Variants in SLC22A23 observed in about 807,000 individuals in gnomAD.
SLC22A23 encodes solute carrier family 22 member 23, also known as ion transporter protein.
SLC22A23 carries 26 observed loss-of-function variants against 61.0 expected under a neutral mutation model. The ratio of observed to expected loss-of-function variants is 0.43; its 90% CI spans 0.31 to 0.59. The LOEUF is 0.59. SLC22A23 is among the 20% of genes least tolerant of loss of function. The probability of loss-of-function intolerance (pLI) is 0.11; values close to 1 mark genes in which losing one functional copy is unlikely to be tolerated. For missense variants in SLC22A23, 796 were observed against 934.7 expected, an observed-to-expected ratio of 0.85 and a Z score of 1.94; for synonymous variants, 430 against 413.9, an observed-to-expected ratio of 1.04 and a Z score of -0.47.
Position 3,322,324 on chromosome 6 carries a change from G to C in SLC22A23, c.1082+1510C>G, listed in dbSNP as rs1763003741. ...GAACTCCGAAACAGCTAAGCCCAGC[G>C]AAGGCTGCCACAAGGGAGGGGGCAG... On this transcript the variant is annotated intron_variant, in intron 4 of 9. Transcript: ENST00000406686. The surrounding 1 kb of genome is among the most constrained non-coding windows in gnomAD (Gnocchi z 4.1). Among the ~76,000 whole-genome samples, 1 of 152,216 alleles carries C rather than the reference G, an allele frequency of 6.6e-6. No individual in the cohort carries two copies. The highest frequency in any genetic ancestry group is 1.5e-5 in the Non-Finnish European group (1 of 68,036).
At chr6:3,452,599 TAAAAAAAAAAAAAAAAAAAAA>T (rs570923626) in intron 1 of SLC22A23, among the ~76,000 whole-genome samples, 20 of 40,536 alleles carry the variant, frequency 4.9e-4, no homozygotes, top group Admixed American at 1.7e-3. Context: ...AGACGCTGTC[TAAAAAAAAAAAAAAAAAAAAA>T]AAAAAAAAAA....
In SLC22A23 at chr6:3,415,846, C is replaced by G. The variant is rs756211072; in HGVS notation, c.664G>C (p.Val222Leu). The G allele has an allele frequency of 1.9e-6, 3 of 1,550,846 alleles. No individual in the cohort carries two copies. The highest frequency in any genetic ancestry group is 2.6e-6 in the Non-Finnish European group (3 of 1,145,796). Residue 222 changes from valine (V) to leucine (L), a missense_variant, in exon 2 of 10, where the codon GTG becomes CTG. Val to Leu is a conservative substitution (Grantham distance 32). Transcript: ENST00000406686. ...TGGACCTTCCAGGCATTATCACACA[C>G]AAGATCCCACTAGAGAGGGGCAAAT... ...VQNVVSKWDLVCDNAWKVHIA... is the reference protein window; with the variant it reads ...VQNVVSKWDLLCDNAWKVHIA...
At position 3,390,867 on chromosome 6, in the gene SLC22A23, C is replaced by T. The variant is rs962695532; in HGVS notation, c.913+19321G>A. ...TCCAATGCGGAAGCTGGAGTTCTGC[C>T]CAGAAGCCGCACCCAGAGATCTGAG... On this transcript the variant is annotated intron_variant, in intron 3 of 9. Coordinates refer to ENST00000406686, the MANE Select transcript of SLC22A23 (RefSeq NM_015482.2). The surrounding 1 kb of genome is among the most constrained non-coding windows in gnomAD (Gnocchi z 4.0). Among the ~76,000 whole-genome samples the T allele has an allele frequency of 6.6e-6, 1 of 152,180 alleles. No homozygotes were observed. The highest frequency in any genetic ancestry group is 1.5e-5 in the Non-Finnish European group (1 of 68,044).
At chr6:3,295,336 C>T (rs189010113) in intron 5 of SLC22A23, among the ~76,000 whole-genome samples, 24 of 152,190 alleles carry the variant, frequency 1.6e-4, no homozygotes, top group African/African-American at 4.3e-4. Flanking sequence ...GAGTGTGCAC[C>T]GGGAGGGACC....
At chr6:3,319,707 C>T (rs571772498) in intron 4 of SLC22A23, among the ~76,000 whole-genome samples, 7 of 152,136 alleles carry the variant, frequency 4.6e-5, no homozygotes, top group African/African-American at 7.2e-5. Context: ...GTGGATTCCC[C>T]GTGGATCTGT....
rs1758449110 is a variant in SLC22A23 at position 3,271,170 on chromosome 6, C to G, written c.*1885G>C. 6.6e-6 allele frequency: 1 copy of G among 152,350 alleles called. No homozygotes were observed. The highest frequency in any genetic ancestry group is 1.5e-5 in the Non-Finnish European group (1 of 68,058). The allele number at this position is 152,350 out of a possible 1,614,324, so 9.4% of individuals were successfully genotyped here. ...AGGCTGCACAGATCTAAAGAAAGGCCTTTGTAAAGGTGAATGCAAACTAAT... is the reference window on the plus strand; with the variant it reads ...AGGCTGCACAGATCTAAAGAAAGGCGTTTGTAAAGGTGAATGCAAACTAAT... On this transcript the variant is annotated 3_prime_UTR_variant, in exon 10 of 10. Coordinates refer to ENST00000406686, the MANE Select transcript of SLC22A23 (RefSeq NM_015482.2).
chr6:3,409,564 C>T (rs1347150767), intron 3 of SLC22A23, among the ~76,000 whole-genome samples: 1 of 152,258 alleles, frequency 6.6e-6, no homozygotes, highest in East Asian at 1.9e-4. Flanking sequence ...AATAACCACG[C>T]CTAAAACTCT....
intron 9 of SLC22A23, among the ~76,000 whole-genome samples, chr6:3,277,204 C>T (rs899032589): frequency 6.6e-6 from 1 of 152,040 alleles, no homozygotes; most frequent in Non-Finnish European, 1.5e-5. Context: ...CAGGATGAGC[C>T]TCTCCCATGG....
intron 4 of SLC22A23, among the ~76,000 whole-genome samples, chr6:3,321,374 GTGCACACACA>G (rs979634357): frequency 6.6e-6 from 1 of 151,266 alleles, no homozygotes; most frequent in African/African-American, 2.4e-5. Flanking sequence ...ATGCACACAC[GTGCACACACA>G]TGCACACACG....
rs1772385145 is a variant in SLC22A23 at position 3,456,005 on chromosome 6, C to G, written c.555G>C (p.Leu185=). ...TGTCCCCCTTGTCCGGAGGGGATGG[C>G]AGGGGTGGTGTGTCGCCTCCGTCCG... The part of the protein sequence containing the change: ...SGADGGDTPP[L]PSPPDKGDNA... The change falls in exon 1 of 10, where the codon CTG becomes CTC. Residue 185 remains leucine, a synonymous_variant. Transcript: ENST00000406686. This position sits in a 1 kb window ranked among gnomAD's most constrained non-coding sequence, Gnocchi z 7.1. 1 of 1,547,132 alleles carries G rather than the reference C, an allele frequency of 6.5e-7. No homozygotes were observed. Among genetic ancestry groups the G allele is most frequent in the Non-Finnish European group, 8.7e-7 (1 of 1,146,790 alleles).
At chr6:3,307,911 G>A (rs895333113) in intron 4 of SLC22A23, among the ~76,000 whole-genome samples, 2 of 152,208 alleles carry the variant, frequency 1.3e-5, no homozygotes, top group African/African-American at 4.8e-5. Flanking sequence ...CAACAGAAGG[G>A]ATCTGACACC....
At chr6:3,438,629 C>T (rs1771382322) in intron 1 of SLC22A23, 1 of 419,340 alleles carries the variant, frequency 2.4e-6, no homozygotes, top group Non-Finnish European at 4.7e-6. Flanking sequence ...AAAATAAGTA[C>T]CTTTTACTTC....
At position 3,298,151 on chromosome 6, in the gene SLC22A23, G is replaced by C. The variant is rs1761278696; in HGVS notation, c.1150C>G (p.Leu384Val). 6.3e-7 allele frequency: 1 copy of C among 1,592,918 alleles called. No individual in the cohort carries two copies. Among genetic ancestry groups the C allele is most frequent in the South Asian group, 1.1e-5 (1 of 87,388 alleles). The change falls in exon 5 of 10, where the codon CTC (leucine) becomes GTC (valine). Residue 384 changes from leucine (L) to valine (V), a missense_variant. Physicochemically the swap from Leu to Val is conservative, Grantham distance 32. Transcript: ENST00000406686. Reference protein sequence around the residue: ...QQFESAKRLILHFTQKNRMNP... With the variant: ...QQFESAKRLIVHFTQKNRMNP... ...ATGCGATTCTTCTGTGTGAAGTGGA[G>C]GATCAGCCTCTTTGCAGACTCAAAC...
intron 1 of SLC22A23, among the ~76,000 whole-genome samples, chr6:3,424,835 T>C (rs936174402): frequency 1.3e-5 from 2 of 152,240 alleles, no homozygotes; most frequent in African/African-American, 4.8e-5. Flanking sequence ...CCACATGGCC[T>C]GCAAAGCCAA....
At chr6:3,429,877 G>A (rs1161617629) in intron 1 of SLC22A23, among the ~76,000 whole-genome samples, 2 of 152,148 alleles carry the variant, frequency 1.3e-5, no homozygotes, top group African/African-American at 4.8e-5. Context: ...AAGTAGAATG[G>A]GGGTTACCAG....
intron 1 of SLC22A23, 89 bp from the exon 2 acceptor site, chr6:3,415,944 A>G: frequency 2.2e-6 from 2 of 924,470 alleles, no homozygotes; most frequent in South Asian, 3.1e-5. Flanking sequence ...ATAACCCTGC[A>G]GGGACCACCG....
chr6:3,292,741 C>T (rs1760720563), intron 5 of SLC22A23, among the ~76,000 whole-genome samples: 1 of 152,212 alleles, frequency 6.6e-6, no homozygotes, highest in African/African-American at 2.4e-5. Context: ...GCTACGCTCT[C>T]CTTGGAAAAG....
intron 3 of SLC22A23, among the ~76,000 whole-genome samples, chr6:3,336,799 C>CTTT (rs35612904): frequency 7.6e-6 from 1 of 131,628 alleles, no homozygotes; most frequent in Non-Finnish European, 1.6e-5. Context: ...CTGTAGTAGG[C>CTTT]TTTTTTTTTT....
At chr6:3,368,948 C>A (rs1355292389) in intron 3 of SLC22A23, among the ~76,000 whole-genome samples, 2 of 152,102 alleles carry the variant, frequency 1.3e-5, no homozygotes, top group Non-Finnish European at 2.9e-5. Flanking sequence ...GCTGACACAC[C>A]AGAATTGCTC....
Sources: allele counts gnomAD v4.1 joint callset (sites outside exome capture counted in the v4.1 genomes callset), GRCh38; gene constraint gnomAD v4.1.1; non-coding constraint Gnocchi (gnomAD v3.1); transcripts MANE v1.5; gene names NCBI Gene and HGNC (gene_info 2026-07-23, HGNC 2026-07-21).